EXOC4: variants seen among roughly 807,000 people sequenced by gnomAD.
EXOC4 encodes exocyst complex component 4.
Under a neutral mutation model 107.2 loss-of-function variants are expected in EXOC4, and 71 were observed. The observed-to-expected ratio is 0.66, with a 90% confidence interval of 0.55 to 0.81. The LOEUF (loss-of-function observed/expected upper bound fraction) is 0.81, where lower values mean the gene tolerates loss of function less well. EXOC4 is among the 30% of genes least tolerant of loss of function. EXOC4 has a pLI of 0.00. For synonymous variants in EXOC4, 456 were observed against 441.2 expected (o/e 1.03, Z -0.42); for missense variants, 1,108 against 1,189.6 (o/e 0.93, Z 1.01).
intron 10 of EXOC4, among the ~76,000 whole-genome samples, chr7:133,714,355 T>G (rs1794957111): frequency 6.6e-6 from 1 of 152,148 alleles, no homozygotes; most frequent in Non-Finnish European, 1.5e-5. Flanking sequence ...GTATTGTATG[T>G]TCAGGAATTT....
chr7:133,422,706 T>C (rs1797633779), intron 7 of EXOC4, among the ~76,000 whole-genome samples: 2 of 152,272 alleles, frequency 1.3e-5, no homozygotes, highest in African/African-American at 4.8e-5. Context: ...CTGATTGAAA[T>C]GGGCATTGGT....
At chr7:133,807,591 GA>G (rs969260079) in intron 10 of EXOC4, among the ~76,000 whole-genome samples, 3 of 149,166 alleles carry the variant, frequency 2.0e-5, no homozygotes, top group Admixed American at 1.3e-4. Flanking sequence ...TTTATCTTCT[GA>G]AAAAAAAATA....
At chr7:133,272,569 C>A (rs932687993) in intron 1 of EXOC4, among the ~76,000 whole-genome samples, 1 of 151,856 alleles carries the variant, frequency 6.6e-6, no homozygotes, top group Non-Finnish European at 1.5e-5. Context: ...ATTATCCTTG[C>A]TGCCTTCCTT....
chr7:134,039,567 C>T (rs1276160118), intron 17 of EXOC4, among the ~76,000 whole-genome samples: 1 of 152,144 alleles, frequency 6.6e-6, no homozygotes, highest in African/African-American at 2.4e-5. Flanking sequence ...CTAGTGTTGT[C>T]TCCTTCACCA....
rs545447603 is a variant in EXOC4, at chr7:133,577,245, C to G, written c.1418-52800C>G. On this transcript the variant is annotated intron_variant, in intron 9 of 17. Transcript: ENST00000253861. ...AATGTATTCATCAGACCTCAGGAAG[C>G]TTGCAAGTATATTCTGAAGTTACAA... 1.8e-4 allele frequency among the ~76,000 whole-genome samples: 27 copies of G among 152,192 alleles called. 1 individual carries two copies. In the South Asian group the frequency reaches 5.2e-3, roughly 29 times the overall value.
intron 4 of EXOC4, among the ~76,000 whole-genome samples, chr7:133,316,199 AG>A (rs1302711665): frequency 3.3e-5 from 5 of 152,210 alleles, no homozygotes; most frequent in African/African-American, 1.2e-4. Flanking sequence ...TTGTTCCAAA[AG>A]GAGTGTGTGA....
At chr7:133,633,670 A>G (rs1802641281) in intron 10 of EXOC4, among the ~76,000 whole-genome samples, 1 of 148,204 alleles carries the variant, frequency 6.7e-6, no homozygotes, top group African/African-American at 2.5e-5. Flanking sequence ...GTGAGCTGAG[A>G]TCGCGCCACT....
chr7:133,949,261 G>A (rs1370051104), intron 14 of EXOC4, among the ~76,000 whole-genome samples: 1 of 152,084 alleles, frequency 6.6e-6, no homozygotes, highest in Non-Finnish European at 1.5e-5. Flanking sequence ...TCCTTCATAT[G>A]GGTACAGAGA....
chr7:133,429,663 A>G (rs551037812), intron 7 of EXOC4, among the ~76,000 whole-genome samples: 2 of 152,244 alleles, frequency 1.3e-5, no homozygotes, highest in East Asian at 3.9e-4. Context: ...GTCTCTGTAG[A>G]TTTGTCTATT....
intron 4 of EXOC4, chr7:133,315,405 A>T (rs139623160): frequency 6.6e-6 from 1 of 152,312 alleles, no homozygotes; most frequent in African/African-American, 2.4e-5. Flanking sequence ...ACATTTATGC[A>T]CACCATTAGG....
At chr7:133,806,172 A>G (rs1563005882) in intron 10 of EXOC4, among the ~76,000 whole-genome samples, 1 of 152,262 alleles carries the variant, frequency 6.6e-6, no homozygotes, top group Non-Finnish European at 1.5e-5. Context: ...AGATAAATGT[A>G]TGAACTTAAG....
chr7:133,591,433 C>G (rs1801539389), intron 9 of EXOC4, among the ~76,000 whole-genome samples: 1 of 152,052 alleles, frequency 6.6e-6, no homozygotes, highest in African/African-American at 2.4e-5. Context: ...CTTTTTAGTG[C>G]CTCAAACTAG....
Position 133,317,340 on chromosome 7 carries a change from C to G in EXOC4, c.713C>G (p.Pro238Arg). ...PLIDVTNLPT[P>R]RKFLDTSHYS... ...ATTGATGTTACAAACCTCCCTACTC[C>G]TCGAAAATTCCTTGATACCTCTCAC... Residue 238 changes from proline to arginine, a missense_variant, in exon 5 of 18, where the codon CCT (proline) becomes CGT (arginine). Pro to Arg is a moderately radical substitution (Grantham distance 103). Coordinates refer to ENST00000253861, the MANE Select transcript of EXOC4 (RefSeq NM_021807.4). The G allele has an allele frequency of 6.2e-7, 1 of 1,613,772 alleles. No homozygotes were observed. The highest frequency in any genetic ancestry group is 8.5e-7 in the Non-Finnish European group (1 of 1,179,694).
chr7:133,332,715 C>G (rs1167887229), intron 5 of EXOC4, among the ~76,000 whole-genome samples: 1 of 152,142 alleles, frequency 6.6e-6, no homozygotes, highest in East Asian at 1.9e-4. Context: ...AAAGATTCAA[C>G]AGTTATTTGC....
In EXOC4 at chr7:133,564,463, G is replaced by C. The variant is rs551328127; in HGVS notation, c.1418-65582G>C. Among the ~76,000 whole-genome samples, 4 of 152,184 alleles carry C rather than the reference G, an allele frequency of 2.6e-5. No individual in the cohort carries two copies. The East Asian group carries it at 7.7e-4, about 29-fold the overall frequency. On this transcript the variant is annotated intron_variant, in intron 9 of 17. Transcript: ENST00000253861. ...ATTTTTCTACATGAGAGCTGGACGG[G>C]AACACAGATCCAAACCATATCACAG...
At chr7:133,880,822 A>G in intron 11 of EXOC4, among the ~76,000 whole-genome samples, 1 of 152,208 alleles carries the variant, frequency 6.6e-6, no homozygotes, top group East Asian at 1.9e-4. Flanking sequence ...AAAAATATAT[A>G]TTATTGATAA....
Position 133,475,331 on chromosome 7 carries a change from C to G in EXOC4, c.1186C>G (p.Leu396Val). 6.2e-7 allele frequency: 1 copy of G among 1,610,642 alleles called. No individual in the cohort carries two copies. The highest frequency in any genetic ancestry group is 8.5e-7 in the Non-Finnish European group (1 of 1,177,458). Reference protein sequence around the residue: ...WVKIQDVLQMLLTEYLDMKNT... With the variant: ...WVKIQDVLQMVLTEYLDMKNT... ...ACTGATTTATCTGGTTGTACAGATGCTATTAACTGAGTACTTGGATATGAA... is the reference window on the plus strand; with the variant it reads ...ACTGATTTATCTGGTTGTACAGATGGTATTAACTGAGTACTTGGATATGAA... Residue 396 changes from leucine (L) to valine (V), a missense_variant, in exon 8 of 18, where the codon CTA (leucine) becomes GTA (valine). Transcript: ENST00000253861.
intron 11 of EXOC4, among the ~76,000 whole-genome samples, chr7:133,886,603 C>G (rs1361220631): frequency 6.6e-6 from 1 of 151,870 alleles, no homozygotes; most frequent in East Asian, 1.9e-4. Context: ...TAATAAGTTG[C>G]AAGAAATGTG....
intron 7 of EXOC4, among the ~76,000 whole-genome samples, chr7:133,463,836 A>G (rs746634332): frequency 6.6e-6 from 1 of 152,186 alleles, no homozygotes; most frequent in Non-Finnish European, 1.5e-5. Context: ...TGAGGAGATG[A>G]TGAAGATATA....
Sources: gnomAD v4.1 joint callset for allele counts (sites outside exome capture counted in the v4.1 genomes callset) on GRCh38, gnomAD v4.1.1 for gene constraint, MANE v1.5 for transcripts, NCBI Gene and HGNC (gene_info 2026-07-23, HGNC 2026-07-21) for gene names.